The following LDLRAD3 variants were observed in gnomAD, a reference collection of about 807,000 sequenced individuals.
LDLRAD3 encodes the protein low density lipoprotein receptor class A domain containing 3, also known as low-density lipoprotein receptor class A domain-containing protein 3.
LDLRAD3 carries 20 observed loss-of-function variants against 29.4 expected under a neutral mutation model. The observed-to-expected ratio is 0.68, with a 90% CI of 0.48 to 0.99. LDLRAD3 has a LOEUF of 0.99. LDLRAD3 is among the 50% of genes least tolerant of loss of function. The pLI is 0.00. For missense variants in LDLRAD3, 420 were observed against 454.3 expected (o/e 0.92, Z 0.69); for synonymous variants, 157 against 192.7 (o/e 0.81, Z 1.53).
chr11:36,157,257 C>T lies in LDLRAD3; in HGVS notation c.454+58796C>T, dbSNP rs11033469. Reference sequence around the variant, plus strand: ...ATCTCTGCCCCCTCATGCCTTTAAACGGGAACATTAATAATTTCCTGCTTA... The same window carrying T: ...ATCTCTGCCCCCTCATGCCTTTAAATGGGAACATTAATAATTTCCTGCTTA... On this transcript the variant is annotated intron_variant, in intron 4 of 5. Coordinates refer to ENST00000315571, the MANE Select transcript of LDLRAD3 (RefSeq NM_174902.4). Among the ~76,000 whole-genome samples the T allele has an allele frequency of 3.7e-3, 561 of 152,170 alleles. 3 individuals carry two copies. Among genetic ancestry groups the T allele is most frequent in the African/African-American group, 0.013 (538 of 41,518 alleles).
chr11:36,057,732 T>A (rs566766532), intron 2 of LDLRAD3, among the ~76,000 whole-genome samples: 59 of 152,360 alleles, frequency 3.9e-4, no homozygotes, highest in Non-Finnish European at 6.3e-4. Context: ...TTCTGACCTT[T>A]CCATCTAATA....
chr11:36,117,272 C>T (rs111621881), intron 4 of LDLRAD3, among the ~76,000 whole-genome samples: 6 of 152,272 alleles, frequency 3.9e-5, no homozygotes, highest in Non-Finnish European at 4.4e-5. Flanking sequence ...AGACATTTGG[C>T]GTAGATGAGT....
chr11:35,993,591 G>A (rs559959204), intron 1 of LDLRAD3, among the ~76,000 whole-genome samples: 1 of 151,632 alleles, frequency 6.6e-6, no homozygotes, highest in Admixed American at 6.6e-5. Context: ...AGAGGAGCTG[G>A]TGTTCTCTTG....
intron 4 of LDLRAD3, among the ~76,000 whole-genome samples, chr11:36,157,666 G>A (rs986681899): frequency 6.6e-6 from 1 of 152,156 alleles, no homozygotes; most frequent in African/African-American, 2.4e-5. Flanking sequence ...TAAAATTCTA[G>A]TGGAGTAGGA....
chr11:36,178,440 C>T (rs893388329), intron 4 of LDLRAD3, among the ~76,000 whole-genome samples: 11 of 152,278 alleles, frequency 7.2e-5, no homozygotes, highest in African/African-American at 9.6e-5. Flanking sequence ...TTCCGTCGTA[C>T]GCCAAATCCA....
intron 1 of LDLRAD3, among the ~76,000 whole-genome samples, chr11:35,999,859 C>A (rs1288529831): frequency 6.6e-6 from 1 of 152,120 alleles, no homozygotes; most frequent in Admixed American, 6.5e-5. Flanking sequence ...GCAGGGTGAT[C>A]CTTGCATCCT....
Position 36,218,609 on chromosome 11 carries a change from C to T in LDLRAD3, c.455-8476C>T, listed in dbSNP as rs563428879. Among the ~76,000 whole-genome samples, 85 of 152,304 alleles carry T rather than the reference C, an allele frequency of 5.6e-4. No individual in the cohort carries two copies. In the South Asian group the frequency reaches 0.017, roughly 31 times the overall value. ...AGTAGAAATTGACCATACTTGGTTGCTTGATGTGGACAGAGAAAAAGGAGA... is the reference window on the plus strand; with the variant it reads ...AGTAGAAATTGACCATACTTGGTTGTTTGATGTGGACAGAGAAAAAGGAGA... On this transcript the variant is annotated intron_variant, in intron 4 of 5. Coordinates refer to ENST00000315571, the MANE Select transcript of LDLRAD3 (RefSeq NM_174902.4).
intron 2 of LDLRAD3, among the ~76,000 whole-genome samples, chr11:36,055,647 G>A (rs1852607715): frequency 6.6e-6 from 1 of 152,218 alleles, no homozygotes; most frequent in Admixed American, 6.5e-5. Flanking sequence ...CGTGTGCAGG[G>A]TAGAAACCAC....
intron 4 of LDLRAD3, among the ~76,000 whole-genome samples, chr11:36,194,769 G>A (rs2133369040): frequency 1.3e-5 from 2 of 152,256 alleles, no homozygotes; most frequent in Middle Eastern, 6.8e-3. Context: ...CTAAAACTCT[G>A]TCATCCTTGA....
chr11:36,022,233 A>G (rs1038740987), intron 1 of LDLRAD3, among the ~76,000 whole-genome samples: 5 of 152,158 alleles, frequency 3.3e-5, no homozygotes, highest in Admixed American at 6.5e-5. Context: ...TAATCATGTA[A>G]CTACATTAGA....
At chr11:36,165,323 G>A (rs569602307) in intron 4 of LDLRAD3, among the ~76,000 whole-genome samples, 2 of 151,982 alleles carry the variant, frequency 1.3e-5, no homozygotes, top group African/African-American at 2.4e-5. Context: ...TGTTGTAGAC[G>A]AAGTTGTGAT....
At chr11:36,044,110 A>G (rs1297404988) in intron 2 of LDLRAD3, among the ~76,000 whole-genome samples, 1 of 152,150 alleles carries the variant, frequency 6.6e-6, no homozygotes, top group African/African-American at 2.4e-5. Context: ...TTGGGCCCAG[A>G]CAGTACTGAG....
At chr11:36,020,386 A>G (rs1852081103) in intron 1 of LDLRAD3, among the ~76,000 whole-genome samples, 1 of 152,220 alleles carries the variant, frequency 6.6e-6, no homozygotes, top group Non-Finnish European at 1.5e-5. Context: ...TAATCTTAAA[A>G]TGCATGCAAA....
At position 35,952,214 on chromosome 11, in the gene LDLRAD3, G is replaced by T. The variant is rs114727353; in HGVS notation, c.46+8070G>T. Among the ~76,000 whole-genome samples the T allele has an allele frequency of 5.1e-3, 780 of 152,304 alleles. 11 individuals are homozygous for T. Among genetic ancestry groups the T allele is most frequent in the African/African-American group, 0.018 (749 of 41,556 alleles). On this transcript the variant is annotated intron_variant, in intron 1 of 5. Coordinates refer to ENST00000315571, the MANE Select transcript of LDLRAD3 (RefSeq NM_174902.4). ...AGATAGTTTCAGAATTGGCACGTGG[G>T]TCTGCGTGACTTAGACTTGGTCTCC...
chr11:36,053,196 A>G (rs1267629125), intron 2 of LDLRAD3, among the ~76,000 whole-genome samples: 1 of 152,172 alleles, frequency 6.6e-6, no homozygotes. Context: ...GTAAACAGAC[A>G]AAAGAGTTGA....
rs183787270 is a variant in LDLRAD3, at chr11:36,213,622, C to T, written c.455-13463C>T. 6.0e-3 allele frequency among the ~76,000 whole-genome samples: 920 copies of T among 152,284 alleles called. 16 individuals carry two copies. The highest frequency in any genetic ancestry group is 0.021 in the African/African-American group (884 of 41,562). ...GGCAGAGGCCATGGTAGGAGGCATGCAGGAGTGAAATGGGACCCCCAGGGC... is the reference window on the plus strand; with the variant it reads ...GGCAGAGGCCATGGTAGGAGGCATGTAGGAGTGAAATGGGACCCCCAGGGC... On this transcript the variant is annotated intron_variant, in intron 4 of 5. Coordinates refer to ENST00000315571, the MANE Select transcript of LDLRAD3 (RefSeq NM_174902.4). This position sits in a 1 kb window ranked among gnomAD's most constrained non-coding sequence, Gnocchi z 4.1.
intron 1 of LDLRAD3, among the ~76,000 whole-genome samples, chr11:36,027,613 C>G (rs796638087): frequency 6.6e-6 from 1 of 152,160 alleles, no homozygotes; most frequent in Non-Finnish European, 1.5e-5. Flanking sequence ...CTTTTCTGGC[C>G]TTATTGCTTA....
intron 4 of LDLRAD3, among the ~76,000 whole-genome samples, chr11:36,201,125 GTGA>G (rs537153822): frequency 1.2e-3 from 186 of 152,300 alleles, no homozygotes; most frequent in African/African-American, 4.2e-3. Flanking sequence ...AGGTAGAAGT[GTGA>G]TGGAGTGACA....
intron 2 of LDLRAD3, among the ~76,000 whole-genome samples, chr11:36,039,938 A>G (rs992612010): frequency 1.3e-5 from 2 of 152,148 alleles, no homozygotes; most frequent in African/African-American, 2.4e-5. Flanking sequence ...GACCAACTTG[A>G]CCACCTTTTC....
Sources: gnomAD v4.1 joint callset for allele counts (sites outside exome capture counted in the v4.1 genomes callset) on GRCh38, gnomAD v4.1.1 for gene constraint, Gnocchi (gnomAD v3.1) non-coding constraint, MANE v1.5 for transcripts, NCBI Gene and HGNC (gene_info 2026-07-23, HGNC 2026-07-21) for gene names.